Variants in TEC observed in about 807,000 individuals in gnomAD.
TEC encodes the protein tyrosine-protein kinase Tec.
A neutral mutation model predicts 93.0 loss-of-function variants in TEC; 72 were observed. The observed-to-expected ratio is 0.77, with a 90% CI of 0.64 to 0.94. The LOEUF is 0.94. Among genes scored for constraint, TEC ranks in the 40% least tolerant of loss-of-function variants. TEC has a pLI of 0.00. For synonymous variants in TEC, 249 were observed against 247.7 expected (o/e 1.01, Z -0.05); for missense variants, 630 against 757.9 (o/e 0.83, Z 1.98).
chr4:48,171,190 G>A (rs1361226751), intron 4 of TEC, among the ~76,000 whole-genome samples, 178 bp downstream of exon 4: 1 of 152,146 alleles, frequency 6.6e-6, no homozygotes, highest in Non-Finnish European at 1.5e-5. Context: ...TTTTAAAAAG[G>A]AAAGTTATCT....
intron 2 of TEC, among the ~76,000 whole-genome samples, chr4:48,214,559 A>C (rs1723010757): frequency 6.6e-6 from 1 of 152,202 alleles, no homozygotes; most frequent in East Asian, 1.9e-4. Context: ...GTATTTAATA[A>C]ATTACATGAG....
chr4:48,219,239 C>A (rs1723175507), intron 2 of TEC, among the ~76,000 whole-genome samples: 1 of 152,198 alleles, frequency 6.6e-6, no homozygotes, highest in South Asian at 2.1e-4. Flanking sequence ...TTCTGTCATG[C>A]CCGCATAAGG....
At chr4:48,159,869 G>A (rs1400620697) in intron 8 of TEC, among the ~76,000 whole-genome samples, 1 of 152,110 alleles carries the variant, frequency 6.6e-6, no homozygotes, top group East Asian at 1.9e-4. Context: ...ACCAGTTCTT[G>A]TGGGAACTAA....
chr4:48,153,816 C>G (rs759566952), intron 9 of TEC, among the ~76,000 whole-genome samples: 1 of 152,172 alleles, frequency 6.6e-6, no homozygotes, highest in Non-Finnish European at 1.5e-5. Context: ...CCTGCAGCAA[C>G]GCCTTCATAA....
At chr4:48,155,057 A>T (rs1720337794) in intron 9 of TEC, among the ~76,000 whole-genome samples, 1 of 152,220 alleles carries the variant, frequency 6.6e-6, no homozygotes, top group African/African-American at 2.4e-5. Context: ...AGCCTTTTGC[A>T]CAACAGAGGG....
chr4:48,191,358 C>G (rs1370884274), intron 2 of TEC, among the ~76,000 whole-genome samples: 1 of 152,132 alleles, frequency 6.6e-6, no homozygotes, highest in Non-Finnish European at 1.5e-5. Flanking sequence ...ATTATATACT[C>G]TCTAATTTTC....
At chr4:48,202,719 A>G (rs1722573143) in intron 2 of TEC, among the ~76,000 whole-genome samples, 1 of 152,130 alleles carries the variant, frequency 6.6e-6, no homozygotes, top group African/African-American at 2.4e-5. Flanking sequence ...GGTAGTAACT[A>G]TTTATTGTCT....
chr4:48,249,484 A>T (rs1353351480), intron 1 of TEC, among the ~76,000 whole-genome samples: 2 of 152,224 alleles, frequency 1.3e-5, no homozygotes, highest in East Asian at 3.8e-4. Flanking sequence ...ATATTGTGTA[A>T]TATAATTTAA....
intron 1 of TEC, among the ~76,000 whole-genome samples, chr4:48,230,207 G>A (rs940668094): frequency 6.6e-6 from 1 of 152,150 alleles, no homozygotes; most frequent in Non-Finnish European, 1.5e-5. Flanking sequence ...GTTAGCCACT[G>A]AGGAATTCTA....
At chr4:48,255,666 A>G (rs545049189) in intron 1 of TEC, among the ~76,000 whole-genome samples, 1 of 152,326 alleles carries the variant, frequency 6.6e-6, no homozygotes, top group Admixed American at 6.5e-5. Flanking sequence ...CAGGTAAGTA[A>G]TGTAACTTCT....
At chr4:48,268,105 G>A (rs1014300249) in intron 1 of TEC, among the ~76,000 whole-genome samples, 12 of 152,188 alleles carry the variant, frequency 7.9e-5, no homozygotes, top group African/African-American at 2.4e-4. Context: ...TATTTTCCAC[G>A]GTTTGGTAAA....
At chr4:48,182,535 C>CTGTGTGTGTGTGTGTGTGTGTGTGTGTG (rs60434609) in intron 2 of TEC, among the ~76,000 whole-genome samples, 1 of 147,234 alleles carries the variant, frequency 6.8e-6, no homozygotes, top group East Asian at 2.0e-4. Context: ...GGGCAATACT[C>CTGTGTGTGTGTGTGTGTGTGTGTGTGTG]TGTGTGTGTG....
chr4:48,233,492 A>C (rs147146359), intron 1 of TEC, among the ~76,000 whole-genome samples: 24 of 151,996 alleles, frequency 1.6e-4, no homozygotes, highest in Non-Finnish European at 2.5e-4. Flanking sequence ...CTGACTTTTT[A>C]AAGTCCCACT....
rs977062734 is a variant in TEC, at chr4:48,179,226, G to C, written c.139-3040C>G. ...TTTAATCCTCACAGCTGCTCTGCAA[G>C]GTAAGGATTACTACACCCATTTTAC... On this transcript the variant is annotated intron_variant, in intron 2 of 17. Transcript: ENST00000381501. 5.9e-5 allele frequency among the ~76,000 whole-genome samples: 9 copies of C among 151,266 alleles called. 1 individual carries two copies. Among genetic ancestry groups the C allele is most frequent in the Admixed American group, 4.6e-4 (7 of 15,196 alleles).
At chr4:48,160,761 GAAAAGAAAA>G (rs774156001) in intron 8 of TEC, among the ~76,000 whole-genome samples, 2 of 110,242 alleles carry the variant, frequency 1.8e-5, no homozygotes, top group South Asian at 3.2e-4. Flanking sequence ...AAGAAAGAAA[GAAAAGAAAA>G]AAAGAAAGAA....
intron 8 of TEC, among the ~76,000 whole-genome samples, chr4:48,158,978 T>C (rs1214003846): frequency 6.6e-6 from 1 of 151,158 alleles, no homozygotes; most frequent in African/African-American, 2.4e-5. Flanking sequence ...GAGGAAGGAG[T>C]CATACACAAA....
chr4:48,226,080 C>T (rs1041475146), intron 2 of TEC, among the ~76,000 whole-genome samples: 3 of 152,100 alleles, frequency 2.0e-5, no homozygotes, highest in Admixed American at 6.5e-5. Flanking sequence ...AAGAGGGATG[C>T]CACTGTTGTC....
chr4:48,205,911 G>A (rs1046674507), intron 2 of TEC, among the ~76,000 whole-genome samples: 20 of 152,184 alleles, frequency 1.3e-4, no homozygotes, highest in Admixed American at 2.0e-4. Flanking sequence ...TCTATTTCCA[G>A]TAGCCAAAAG....
chr4:48,168,283 A>T (rs1456718546), intron 6 of TEC, among the ~76,000 whole-genome samples: 2 of 152,194 alleles, frequency 1.3e-5, no homozygotes, highest in African/African-American at 4.8e-5. Flanking sequence ...TGGTCTTAAG[A>T]CTGAAATATT....
Sources: allele counts gnomAD v4.1 joint callset (sites outside exome capture counted in the v4.1 genomes callset), GRCh38; gene constraint gnomAD v4.1.1; transcripts MANE v1.5; gene names NCBI Gene and HGNC (gene_info 2026-07-23, HGNC 2026-07-21).